The following RHOJ variants were observed in gnomAD, a reference collection of about 807,000 sequenced individuals.
The protein encoded by RHOJ is rho-related GTP-binding protein RhoJ.
Under a neutral mutation model 23.4 loss-of-function variants are expected in RHOJ, and 11 were observed. The observed-to-expected ratio is 0.47, with a 90% CI of 0.30 to 0.78. The LOEUF (loss-of-function observed/expected upper bound fraction) is 0.78. Ranked by LOEUF, RHOJ falls within the 30% of genes least tolerant of loss-of-function variation. The pLI, the probability that RHOJ is intolerant of heterozygous loss-of-function variation, is 0.08. For synonymous variants in RHOJ, 102 were observed against 102.7 expected (o/e 0.99, Z 0.04); for missense variants, 254 against 273.4 (o/e 0.93, Z 0.50).
intron 1 of RHOJ, among the ~76,000 whole-genome samples, chr14:63,228,440 C>G (rs768118259): frequency 6.6e-6 from 1 of 152,060 alleles, no homozygotes; most frequent in Non-Finnish European, 1.5e-5. Context: ...TGGAAATAAT[C>G]CAACTATCTA....
intron 1 of RHOJ, among the ~76,000 whole-genome samples, chr14:63,245,759 A>G (rs1451662737): frequency 6.6e-6 from 1 of 152,186 alleles, no homozygotes; most frequent in East Asian, 1.9e-4. Flanking sequence ...AATGCTTACA[A>G]ACTGAAGGGT....
chr14:63,235,101 T>C (rs1894765256), intron 1 of RHOJ, among the ~76,000 whole-genome samples: 1 of 152,042 alleles, frequency 6.6e-6, no homozygotes, highest in Admixed American at 6.6e-5. Context: ...TATGCCAAAC[T>C]AAGTTCTCGG....
At chr14:63,214,731 G>A (rs1894315456) in intron 1 of RHOJ, among the ~76,000 whole-genome samples, 1 of 152,166 alleles carries the variant, frequency 6.6e-6, no homozygotes, top group South Asian at 2.1e-4. Flanking sequence ...AGGCAAGTGG[G>A]AATTCTGATG....
At chr14:63,252,216 T>C (rs1439332925) in intron 1 of RHOJ, among the ~76,000 whole-genome samples, 1 of 152,192 alleles carries the variant, frequency 6.6e-6, no homozygotes, top group Non-Finnish European at 1.5e-5. Context: ...AGAGGCTGCC[T>C]GGCTCATGAG....
At position 63,291,529 on chromosome 14, in the gene RHOJ, A is replaced by C. The variant is rs183359926; in HGVS notation, c.*505A>C. 5.4e-6 allele frequency: 1 copy of C among 184,456 alleles called. No individual in the cohort carries two copies. The highest frequency in any genetic ancestry group is 1.6e-4 in the East Asian group (1 of 6,232). The allele number at this position is 184,456 out of a possible 1,614,324, so 11.4% of individuals were successfully genotyped here. A position where few individuals can be genotyped will look rare whatever the true frequency, so the allele number is the denominator to read the frequency against. ...CAAGAAATGTACTAATTTCCAGTTC[A>C]CTCAGGCCTTACTAATCCATACCAA... is the stretch of plus-strand genomic sequence containing the variant. On this transcript the variant is annotated 3_prime_UTR_variant, in exon 5 of 5. Transcript: ENST00000316754.
intron 1 of RHOJ, among the ~76,000 whole-genome samples, chr14:63,231,229 C>T (rs1241587519): frequency 2.0e-5 from 3 of 152,112 alleles, no homozygotes; most frequent in African/African-American, 7.2e-5. Context: ...AGTTCTTCCG[C>T]AATTCCAACA....
intron 2 of RHOJ, among the ~76,000 whole-genome samples, chr14:63,274,410 A>G (rs1224849596): frequency 6.6e-6 from 1 of 152,166 alleles, no homozygotes; most frequent in African/African-American, 2.4e-5. Context: ...ACACAATCTT[A>G]CTTCTCCCCA....
chr14:63,225,772 T>A (rs980767714), intron 1 of RHOJ, among the ~76,000 whole-genome samples: 1 of 152,138 alleles, frequency 6.6e-6, no homozygotes, highest in Non-Finnish European at 1.5e-5. Context: ...CATAAAAATA[T>A]ACTTTTTTTT....
At chr14:63,220,917 C>T (rs893584335) in intron 1 of RHOJ, among the ~76,000 whole-genome samples, 2 of 152,158 alleles carry the variant, frequency 1.3e-5, no homozygotes, top group African/African-American at 4.8e-5. Flanking sequence ...ACTAAAGAAT[C>T]TGACACTCTG....
intron 4 of RHOJ, among the ~76,000 whole-genome samples, chr14:63,286,766 A>G (rs748716123): frequency 6.6e-6 from 1 of 152,174 alleles, no homozygotes; most frequent in Non-Finnish European, 1.5e-5. Context: ...ATATTATCCT[A>G]TACTCAAGTA....
chr14:63,259,251 T>G (rs1895232489), intron 1 of RHOJ, among the ~76,000 whole-genome samples: 1 of 152,168 alleles, frequency 6.6e-6, no homozygotes, highest in Non-Finnish European at 1.5e-5. Context: ...TACCTAAAAC[T>G]GGGCAGAAAC....
chr14:63,227,983 G>A (rs906351051), intron 1 of RHOJ, among the ~76,000 whole-genome samples: 6 of 152,178 alleles, frequency 3.9e-5, no homozygotes, highest in East Asian at 1.9e-4. Context: ...TTTATGCCCC[G>A]TTAAGTTATT....
At chr14:63,264,319 C>T (rs777799292) in intron 1 of RHOJ, among the ~76,000 whole-genome samples, 2 of 152,156 alleles carry the variant, frequency 1.3e-5, no homozygotes, top group Non-Finnish European at 2.9e-5. Flanking sequence ...TGGCCTCCAG[C>T]TGCATCCATG....
intron 2 of RHOJ, among the ~76,000 whole-genome samples, chr14:63,270,284 G>A (rs1895444856): frequency 6.7e-6 from 1 of 149,244 alleles, no homozygotes; most frequent in African/African-American, 2.5e-5. Context: ...GTGAAAATTT[G>A]TAAGGACCAC....
intron 1 of RHOJ, among the ~76,000 whole-genome samples, chr14:63,247,949 C>T (rs528780993): frequency 2.6e-5 from 4 of 152,190 alleles, no homozygotes; most frequent in Admixed American, 6.6e-5. Flanking sequence ...AAAAGGGAAA[C>T]GCCTTATAAA....
chr14:63,288,204 A>T, intron 4 of RHOJ: 1 of 985,452 alleles, frequency 1.0e-6, no homozygotes, highest in South Asian at 4.7e-5. Context: ...CTGAATTGGA[A>T]GAGACAAGCT....
intron 1 of RHOJ, among the ~76,000 whole-genome samples, chr14:63,261,102 T>G (rs1352544459): frequency 5.3e-5 from 8 of 152,358 alleles, no homozygotes; most frequent in Admixed American, 1.3e-4. Context: ...TGGGTATTTC[T>G]TCTCTTCGTC....
chr14:63,289,718 T>C (rs938352887), intron 4 of RHOJ, among the ~76,000 whole-genome samples: 13 of 152,296 alleles, frequency 8.5e-5, no homozygotes, highest in Admixed American at 4.6e-4. Flanking sequence ...TTTCTATATT[T>C]CTCATGAGAG....
chr14:63,236,572 C>T (rs1280726986), intron 1 of RHOJ, among the ~76,000 whole-genome samples: 1 of 152,108 alleles, frequency 6.6e-6, no homozygotes, highest in Non-Finnish European at 1.5e-5. Context: ...GAAAAACCTG[C>T]CCCCATGATT....
Sources: allele counts gnomAD v4.1 joint callset (sites outside exome capture counted in the v4.1 genomes callset), GRCh38; gene constraint gnomAD v4.1.1; transcripts MANE v1.5; gene names NCBI Gene and HGNC (gene_info 2026-07-23, HGNC 2026-07-21).